LRP5: variants seen among roughly 807,000 people sequenced by gnomAD.
LRP5 encodes the protein LDL receptor related protein 5, also known as low-density lipoprotein receptor-related protein 5.
In LRP5, 62 loss-of-function variants were observed where a neutral mutation model predicts 154.1. The ratio of observed to expected loss-of-function variants is 0.40; its 90% CI spans 0.33 to 0.50. The LOEUF (loss-of-function observed/expected upper bound fraction) is 0.50. Ranked by LOEUF, LRP5 falls within the 20% of genes least tolerant of loss-of-function variation. The probability of loss-of-function intolerance (pLI) is 0.55; values close to 1 mark genes in which losing one functional copy is unlikely to be tolerated. For synonymous variants in LRP5, 966 were observed against 1,011.5 expected (o/e 0.96, Z 0.85); for missense variants, 1,915 against 2,336.7 (o/e 0.82, Z 3.72).
At chr11:68,312,909 T>A in intron 1 of LRP5, 104 bp downstream of exon 1, 2 of 594,714 alleles carry the variant, frequency 3.4e-6, no homozygotes, top group Non-Finnish European at 4.2e-6. Flanking sequence ...GGAAGCGACT[T>A]GGCGAGTTGG....
At position 68,363,864 on chromosome 11, in the gene LRP5, G is replaced by C. The variant is rs934998436; in HGVS notation, c.804G>C (p.Gly268=). 4 of 1,613,146 alleles carry C rather than the reference G, an allele frequency of 2.5e-6. No homozygotes were observed. In the African/African-American group the frequency reaches 4.0e-5, roughly 16 times the overall value. ...TCCATGCCTGCAACAAGCGCACTGG[G>C]GGGAAGAGGAAGGAGATCCTGAGTG... ...RSIHACNKRT[G]GKRKEILSAL... is the part of the protein sequence containing the mutation. The change falls in exon 4 of 23, where the codon GGG becomes GGC. Residue 268 remains glycine (G), a synonymous_variant. Coordinates refer to ENST00000294304, the MANE Select transcript of LRP5 (RefSeq NM_002335.4).
At chr11:68,323,387 C>T (rs608033) in intron 1 of LRP5, among the ~76,000 whole-genome samples, 72,121 of 151,612 alleles carry the variant, frequency 0.48, 19,787 homozygotes, top group South Asian at 0.81. Context: ...GGATTACAGG[C>T]GTGAGCCACC....
intron 3 of LRP5, 87 bp downstream of exon 3, chr11:68,357,934 A>T (rs1231771364): frequency 3.4e-5 from 43 of 1,281,500 alleles, no homozygotes; most frequent in Non-Finnish European, 4.6e-5. Context: ...AGGCCTACAG[A>T]CTCTTCTCTG....
In LRP5 at chr11:68,359,159, G is replaced by A. The variant is rs80209414; in HGVS notation, c.686+1312G>A. ...GGGAGGGAGTCAGTGATGAGGAGTG[G>A]ATTAGCTGGGTGCTTCTGGCTCAGG... On this transcript the variant is annotated intron_variant, in intron 3 of 22. Coordinates refer to ENST00000294304, the MANE Select transcript of LRP5 (RefSeq NM_002335.4). 4.3e-3 allele frequency among the ~76,000 whole-genome samples: 652 copies of A among 152,322 alleles called. 2 individuals carry two copies. The highest frequency in any genetic ancestry group is 7.8e-3 in the Non-Finnish European group (534 of 68,028).
intron 15 of LRP5, among the ~76,000 whole-genome samples, chr11:68,425,741 C>T (rs2098668402): frequency 1.3e-5 from 2 of 151,098 alleles, no homozygotes; most frequent in South Asian, 2.1e-4. Context: ...GACCGAGGCC[C>T]GCCGTTGGAA....
chr11:68,445,546 G>T (rs781608865), intron 21 of LRP5: 1 of 1,265,096 alleles, frequency 7.9e-7, no homozygotes, highest in Non-Finnish European at 1.0e-6. Context: ...GGGCATAACT[G>T]ACAGTTCTGT....
At chr11:68,310,017 C>T (rs2098586813), upstream of LRP5, among the ~76,000 whole-genome samples, 1 of 152,238 alleles carries the variant, frequency 6.6e-6, no homozygotes, top group Non-Finnish European at 1.5e-5. Context: ...ACAGGAAACA[C>T]ATCAGGGAAT....
At chr11:68,412,659 A>T (rs957801421) in intron 11 of LRP5, among the ~76,000 whole-genome samples, 2 of 151,088 alleles carry the variant, frequency 1.3e-5, no homozygotes, top group Non-Finnish European at 2.9e-5. Flanking sequence ...AAAAAAAAGA[A>T]GAAGAAAAAG....
chr11:68,302,017 T>C, the LRP5 span, among the ~76,000 whole-genome samples: 1 of 151,842 alleles, frequency 6.6e-6, no homozygotes, highest in Non-Finnish European at 1.5e-5. Context: ...GAAAAATCCC[T>C]CTACCTTTTT....
rs1459737073 is a variant in LRP5, at chr11:68,312,705, G to T, written c.-10G>T. The T allele has an allele frequency of 3.0e-6, 3 of 1,014,118 alleles. No individual in the cohort carries two copies. Among genetic ancestry groups the T allele is most frequent in the Admixed American group, 5.9e-5 (1 of 17,016 alleles). 62.8% of individuals were successfully genotyped at this position (1,014,118 alleles called of 1,614,324 possible). A position where few individuals can be genotyped will look rare whatever the true frequency, so the allele number is the denominator to read the frequency against. On this transcript the variant is annotated 5_prime_UTR_variant, in exon 1 of 23. Transcript: ENST00000294304. ...GAGCGCGGCGCGGGCCCGTCCGGCC[G>T]CCGGACAACATGGAGGCAGCGCCGC...
At chr11:68,330,567 G>A (rs2098602190) in intron 1 of LRP5, among the ~76,000 whole-genome samples, 1 of 152,276 alleles carries the variant, frequency 6.6e-6, no homozygotes, top group African/African-American at 2.4e-5. Context: ...TGGGAGGCAA[G>A]GACTTGCCTG....
chr11:68,354,349 T>G (rs936725545), intron 2 of LRP5, among the ~76,000 whole-genome samples: 12 of 152,356 alleles, frequency 7.9e-5, no homozygotes, highest in Admixed American at 7.8e-4. Context: ...GCCTCTGTTA[T>G]GAAACTCGGG....
intron 5 of LRP5, among the ~76,000 whole-genome samples, chr11:68,370,362 G>T (rs117285208): frequency 1.1e-3 from 163 of 152,184 alleles, no homozygotes; most frequent in Admixed American, 3.6e-3. Flanking sequence ...CGGGGGAGAG[G>T]GGGGGACAGG....
At chr11:68,442,874 C>T (rs763964613) in intron 21 of LRP5, among the ~76,000 whole-genome samples, 7 of 152,190 alleles carry the variant, frequency 4.6e-5, no homozygotes, top group Non-Finnish European at 1.0e-4. Flanking sequence ...TACTCTGCTT[C>T]CCCCGCACCC....
intron 20 of LRP5, 93 bp downstream of exon 20, chr11:68,438,775 C>T: frequency 9.3e-7 from 1 of 1,071,096 alleles, no homozygotes; most frequent in South Asian, 1.4e-5. Flanking sequence ...TACCCCAGGC[C>T]CTCTTGCACA....
Position 68,425,150 on chromosome 11 carries a change from C to T in LRP5, c.3285C>T (p.Arg1095=), listed in dbSNP as rs80038357. The change falls in exon 15 of 23, where the codon CGC becomes CGT. Residue 1095 remains arginine, a synonymous_variant. Transcript: ENST00000294304. ...AGGACCGGGCAGCCAAGATCGAACG[C>T]GCAGCCCTGGACGGCACCGAGCGCG... ...NMQDRAAKIE[R]AALDGTEREV... is the part of the protein sequence containing the mutation. 1.2e-4 allele frequency: 197 copies of T among 1,613,834 alleles called. 1 individual carries two copies. The African/African-American group carries it at 1.8e-3, about 15-fold the overall frequency.
Position 68,370,831 on chromosome 11 carries a change from T to C in LRP5, c.1015+5129T>C, listed in dbSNP as rs2098633650. Among the ~76,000 whole-genome samples, 4 of 152,342 alleles carry C rather than the reference T, an allele frequency of 2.6e-5. No individual in the cohort carries two copies. In the South Asian group the frequency reaches 8.3e-4, roughly 32 times the overall value. ...ACATGCAGCCAGTGTGGGGACTGTTTTACTCTGAGCCTGAATCTTTCTGCT... is the reference window on the plus strand; with the variant it reads ...ACATGCAGCCAGTGTGGGGACTGTTCTACTCTGAGCCTGAATCTTTCTGCT... On this transcript the variant is annotated intron_variant, in intron 5 of 22. Transcript: ENST00000294304.
Position 68,413,280 on chromosome 11 carries a change from T to A in LRP5, c.2504-409T>A, listed in dbSNP as rs1198435978. On this transcript the variant is annotated intron_variant, in intron 11 of 22. Coordinates refer to ENST00000294304, the MANE Select transcript of LRP5 (RefSeq NM_002335.4). This position sits in a 1 kb window ranked among gnomAD's most constrained non-coding sequence, Gnocchi z 5.1. The stretch of plus-strand genomic sequence containing the variant: ...CTGCCAATGAGGGCGGCCATGTGCA[T>A]TGCAGCCTGGCCGTCACTCCTCGGT... 1.4e-5 allele frequency: 5 copies of A among 356,244 alleles called. No individual in the cohort carries two copies. In the East Asian group the frequency reaches 2.0e-4, roughly 14 times the overall value. The allele number at this position is 356,244 out of a possible 1,614,324, so 22.1% of individuals were successfully genotyped here.
At chr11:68,298,480 A>T in the LRP5 span, among the ~76,000 whole-genome samples, 1 of 152,066 alleles carries the variant, frequency 6.6e-6, no homozygotes, top group African/African-American at 2.4e-5. Context: ...GAGGGAGGGG[A>T]GGACCCCTTT....
Sources: gnomAD v4.1 joint callset for allele counts (sites outside exome capture counted in the v4.1 genomes callset) on GRCh38, gnomAD v4.1.1 for gene constraint, Gnocchi (gnomAD v3.1) non-coding constraint, MANE v1.5 for transcripts, NCBI Gene and HGNC (gene_info 2026-07-23, HGNC 2026-07-21) for gene names.